PPP2R5E: variants seen among roughly 807,000 people sequenced by gnomAD.
The protein encoded by PPP2R5E is serine/threonine-protein phosphatase 2A 56 kDa regulatory subunit epsilon isoform.
PPP2R5E carries 4 observed loss-of-function variants against 65.3 expected under a neutral mutation model. The observed-to-expected ratio is 0.06, with a 90% CI of 0.03 to 0.14. The LOEUF is 0.14. Ranked by LOEUF, PPP2R5E falls within the 10% of genes least tolerant of loss-of-function variation. PPP2R5E has a pLI of 1.00. For synonymous variants in PPP2R5E, 183 were observed against 187.4 expected, an observed-to-expected ratio of 0.98 and a Z score of 0.19; for missense variants, 274 against 556.1, an observed-to-expected ratio of 0.49 and a Z score of 5.10.
At chr14:63,437,189 G>A (rs2139418690) in intron 3 of PPP2R5E, among the ~76,000 whole-genome samples, 1 of 152,280 alleles carries the variant, frequency 6.6e-6, no homozygotes, top group Middle Eastern at 3.4e-3. Context: ...GTCTAAAAGG[G>A]AGAGGAACCC....
At chr14:63,422,497 TG>T (rs1368668794) in intron 3 of PPP2R5E, among the ~76,000 whole-genome samples, 1 of 151,916 alleles carries the variant, frequency 6.6e-6, no homozygotes, top group Non-Finnish European at 1.5e-5. Flanking sequence ...GAGGCCAAGG[TG>T]GGGGGATCAC....
At chr14:63,389,809 G>A in intron 10 of PPP2R5E, 78 bp from the exon 11 acceptor site, 1 of 1,355,504 alleles carries the variant, frequency 7.4e-7, no homozygotes, top group Non-Finnish European at 9.6e-7. Flanking sequence ...ATTAATGAGA[G>A]TTTGGATTAT....
chr14:63,471,509 A>G (rs1349581334), intron 2 of PPP2R5E, among the ~76,000 whole-genome samples: 1 of 152,230 alleles, frequency 6.6e-6, no homozygotes, highest in Non-Finnish European at 1.5e-5. Context: ...TCCCAGTCAT[A>G]TCATGTATAC....
chr14:63,507,600 G>C (rs1255636), intron 2 of PPP2R5E, among the ~76,000 whole-genome samples: 2,001 of 100,930 alleles, frequency 0.02, 58 homozygotes, highest in African/African-American at 0.075. Flanking sequence ...TTTTTTTTGA[G>C]ACGGAGTCTT....
At chr14:63,397,179 T>C (rs1181299672) in intron 5 of PPP2R5E, among the ~76,000 whole-genome samples, 1 of 152,196 alleles carries the variant, frequency 6.6e-6, no homozygotes, top group Non-Finnish European at 1.5e-5. Context: ...CACTGCACTA[T>C]GCTACCTACT....
chr14:63,512,039 A>G (rs1425062608), intron 2 of PPP2R5E, among the ~76,000 whole-genome samples: 1 of 142,566 alleles, frequency 7.0e-6, no homozygotes, highest in East Asian at 2.1e-4. Context: ...AGATTGTGCC[A>G]CTGCACTCCA....
chr14:63,403,832 T>C (rs1594835601), intron 5 of PPP2R5E, among the ~76,000 whole-genome samples: 1 of 152,104 alleles, frequency 6.6e-6, no homozygotes, highest in Admixed American at 6.5e-5. Context: ...AATGTAATTA[T>C]GTGCCTTGGA....
At chr14:63,465,141 ATCAT>A (rs1383882847) in intron 2 of PPP2R5E, among the ~76,000 whole-genome samples, 6 of 152,134 alleles carry the variant, frequency 3.9e-5, no homozygotes, top group Non-Finnish European at 7.4e-5. Flanking sequence ...CAAAAAAGTC[ATCAT>A]TCGTTTGACA....
Position 63,489,456 on chromosome 14 carries a change from C to T in PPP2R5E, c.158-35571G>A, listed in dbSNP as rs893237553. On this transcript the variant is annotated intron_variant, in intron 2 of 13. Transcript: ENST00000337537. The stretch of plus-strand genomic sequence containing the variant: ...AGACAGAGTCTCACTCTCACCCAGG[C>T]TGGAGTGCAGTGGCCCGATCATGGC... Among the ~76,000 whole-genome samples, 5 of 150,382 alleles carry T rather than the reference C, an allele frequency of 3.3e-5. No individual in the cohort carries two copies. The East Asian group carries it at 9.8e-4, about 29-fold the overall frequency.
At chr14:63,496,854 G>A (rs1891596033) in intron 2 of PPP2R5E, among the ~76,000 whole-genome samples, 2 of 151,008 alleles carry the variant, frequency 1.3e-5, no homozygotes, top group Non-Finnish European at 2.9e-5. Flanking sequence ...TCTAGATTTG[G>A]AATAACAAAC....
intron 3 of PPP2R5E, among the ~76,000 whole-genome samples, chr14:63,445,816 T>C (rs1187289503): frequency 1.3e-5 from 2 of 149,484 alleles, no homozygotes; most frequent in Admixed American, 6.7e-5. Context: ...CACTCCAGCC[T>C]GGGCAATAGA....
At chr14:63,401,328 G>A (rs575536695) in intron 5 of PPP2R5E, among the ~76,000 whole-genome samples, 1 of 152,226 alleles carries the variant, frequency 6.6e-6, no homozygotes, top group African/African-American at 2.4e-5. Context: ...ACACAAAAAA[G>A]AAATATAATC....
chr14:63,414,721 A>G (rs1482212672), intron 5 of PPP2R5E, among the ~76,000 whole-genome samples: 1 of 152,142 alleles, frequency 6.6e-6, no homozygotes, highest in Non-Finnish European at 1.5e-5. Flanking sequence ...TTGATTATTT[A>G]TTACAGGTTA....
Position 63,453,871 on chromosome 14 carries a change from C to CT in PPP2R5E, c.171dup (p.Glu58ArgfsTer4). 1 of 1,463,654 alleles carries CT rather than the reference C, an allele frequency of 6.8e-7. No homozygotes were observed. The highest frequency in any genetic ancestry group is 2.4e-5 in the East Asian group (1 of 41,026). The allele number at this position is 1,463,654 out of a possible 1,614,324, so 90.7% of individuals were successfully genotyped here. ...TTCTTTAGGAACAGTTCAGGCTGCT[C>CT]TGAGGATGGAACGTCTAAGAAAAAA... is the stretch of plus-strand genomic sequence containing the variant. On this transcript the variant is annotated frameshift_variant, in exon 3 of 14. Transcript: ENST00000337537. LOFTEE classifies it high-confidence loss of function.
chr14:63,488,455 G>A (rs891476404), intron 2 of PPP2R5E, among the ~76,000 whole-genome samples: 1 of 151,892 alleles, frequency 6.6e-6, no homozygotes, highest in African/African-American at 2.4e-5. Context: ...CTCCCACTTT[G>A]GCCTCCCAAA....
intron 2 of PPP2R5E, among the ~76,000 whole-genome samples, chr14:63,524,804 G>A (rs1377199517): frequency 6.6e-6 from 1 of 152,176 alleles, no homozygotes; most frequent in African/African-American, 2.4e-5. Context: ...CACCCACAGT[G>A]CTGCTGCAGG....
At chr14:63,442,345 T>C (rs1279789487) in intron 3 of PPP2R5E, among the ~76,000 whole-genome samples, 2 of 152,210 alleles carry the variant, frequency 1.3e-5, no homozygotes, top group Non-Finnish European at 2.9e-5. Context: ...TCTTCCATTA[T>C]GTATAATTCT....
rs754352295 is a variant in PPP2R5E, at chr14:63,382,015, T to C, written c.1304+41A>G. The C allele has an allele frequency of 4.5e-5, 68 of 1,500,824 alleles. No homozygotes were observed. In the Admixed American group the frequency reaches 1.0e-3, roughly 22 times the overall value. The allele number at this position is 1,500,824 out of a possible 1,614,324, so 93.0% of individuals were successfully genotyped here. On this transcript the variant is annotated intron_variant, in intron 13 of 13. Coordinates refer to ENST00000337537, the MANE Select transcript of PPP2R5E (RefSeq NM_006246.5). ...AGCAAAGAGCAAGGAAAAAACTCAATAGCTTTATGCACAGCTGACAAAAAA... is the reference window on the plus strand; with the variant it reads ...AGCAAAGAGCAAGGAAAAAACTCAACAGCTTTATGCACAGCTGACAAAAAA...
At chr14:63,528,168 G>A (rs578124625) in intron 2 of PPP2R5E, among the ~76,000 whole-genome samples, 14 of 152,092 alleles carry the variant, frequency 9.2e-5, no homozygotes, top group African/African-American at 3.4e-4. Context: ...TAGCCTATTC[G>A]AAATATCTAG....
Sources: gnomAD v4.1 joint callset for allele counts (sites outside exome capture counted in the v4.1 genomes callset) on GRCh38, gnomAD v4.1.1 for gene constraint, MANE v1.5 for transcripts, NCBI Gene and HGNC (gene_info 2026-07-23, HGNC 2026-07-21) for gene names.